The following DHX32 variants were observed in gnomAD, a reference collection of about 807,000 sequenced individuals.
The protein encoded by DHX32 is putative pre-mRNA-splicing factor ATP-dependent RNA helicase DHX32.
A neutral mutation model predicts 70.0 loss-of-function variants in DHX32; 51 were observed. That is an observed-to-expected ratio of 0.73 (90% CI 0.58 to 0.92). The LOEUF (loss-of-function observed/expected upper bound fraction) is 0.92. Among genes scored for constraint, DHX32 ranks in the 40% least tolerant of loss-of-function variants. The probability of loss-of-function intolerance (pLI) is 0.00; values close to 1 mark genes in which losing one functional copy is unlikely to be tolerated. For missense variants in DHX32, 762 were observed against 891.8 expected (o/e 0.85, Z 1.85); for synonymous variants, 310 against 315.3 (o/e 0.98, Z 0.18).
chr10:125,867,608 C>A (rs1334953885), intron 1 of DHX32, among the ~76,000 whole-genome samples: 1 of 151,822 alleles, frequency 6.6e-6, no homozygotes, highest in Non-Finnish European at 1.5e-5. Flanking sequence ...TGGTGGCGGG[C>A]GCCTGTAGTC....
chr10:125,866,888 T>C lies in DHX32; in HGVS notation c.476+102A>G, dbSNP rs1228718781. 2 of 1,311,374 alleles carry C rather than the reference T, an allele frequency of 1.5e-6. No individual in the cohort carries two copies. The highest frequency in any genetic ancestry group is 1.5e-5 in the African/African-American group (1 of 68,312). 81.2% of individuals were successfully genotyped at this position (1,311,374 alleles called of 1,614,324 possible). A position where few individuals can be genotyped will look rare whatever the true frequency, so the allele number is the denominator to read the frequency against. ...AGAGACCAGTTGCTACTGCACAGCA[T>C]AGATGCTTAACAGGTAGAATGCCAG... On this transcript the variant is annotated intron_variant, in intron 2 of 10. Transcript: ENST00000284690. This position sits in a 1 kb window ranked among gnomAD's most constrained non-coding sequence, Gnocchi z 4.8.
intron 6 of DHX32, among the ~76,000 whole-genome samples, chr10:125,849,993 G>T (rs950037910): frequency 6.6e-6 from 1 of 152,024 alleles, no homozygotes; most frequent in African/African-American, 2.4e-5. Context: ...TTGAACCAGG[G>T]TCTTGCTCTG....
In DHX32 at chr10:125,866,888, TAGATGCTTAAC is replaced by T; in HGVS notation, c.476+91_476+101del. The stretch of plus-strand genomic sequence containing the variant: ...AGAGACCAGTTGCTACTGCACAGCA[TAGATGCTTAAC>T]AGGTAGAATGCCAGAATAATGCTCC... On this transcript the variant is annotated intron_variant, in intron 2 of 10. Coordinates refer to ENST00000284690, the MANE Select transcript of DHX32 (RefSeq NM_018180.3). This position sits in a 1 kb window ranked among gnomAD's most constrained non-coding sequence, Gnocchi z 4.8. The T allele has an allele frequency of 7.6e-7, 1 of 1,311,492 alleles. No individual in the cohort carries two copies. The highest frequency in any genetic ancestry group is 1.1e-6 in the Non-Finnish European group (1 of 940,712). The allele number at this position is 1,311,492 out of a possible 1,614,324, so 81.2% of individuals were successfully genotyped here.
At position 125,841,953 on chromosome 10, in the gene DHX32, A is replaced by G. The variant is rs777759988; in HGVS notation, c.1352-19T>C. ...TCTGGTGCTAGGAAAGGAAAAAAAT[A>G]ATAATTTAAGAGTCTCATATGGCTA... On this transcript the variant is annotated intron_variant, in intron 6 of 10. Coordinates refer to ENST00000284690, the MANE Select transcript of DHX32 (RefSeq NM_018180.3). 2.5e-6 allele frequency: 4 copies of G among 1,570,002 alleles called. No homozygotes were observed. The African/African-American group carries it at 5.5e-5, about 22-fold the overall frequency.
chr10:125,893,647 A>C (rs1045036756), intron 1 of DHX32, among the ~76,000 whole-genome samples: 1 of 152,224 alleles, frequency 6.6e-6, no homozygotes, highest in South Asian at 2.1e-4. Context: ...ACAAAGAGGA[A>C]AACACCAAAA....
chr10:125,864,028 C>T (rs973102177), intron 2 of DHX32, among the ~76,000 whole-genome samples: 18 of 152,278 alleles, frequency 1.2e-4, no homozygotes, highest in African/African-American at 4.1e-4. Flanking sequence ...TATAAGGTTA[C>T]AAGTGAGTAA....
chr10:125,862,619 T>A (rs1944197259), intron 2 of DHX32, among the ~76,000 whole-genome samples: 2 of 152,258 alleles, frequency 1.3e-5, no homozygotes, highest in African/African-American at 4.8e-5. Context: ...GATGCTAACT[T>A]ATTAAAAACT....
At chr10:125,883,597 A>G (rs1390498256), upstream of DHX32, among the ~76,000 whole-genome samples, 3 of 152,138 alleles carry the variant, frequency 2.0e-5, no homozygotes, top group African/African-American at 4.8e-5. Context: ...ACCCCAGCCA[A>G]CTGAGCAGAA....
rs776062752 is a variant in DHX32, at chr10:125,839,079, G to A, written c.1803C>T (p.Pro601=). 6.2e-7 allele frequency: 1 copy of A among 1,614,192 alleles called. No individual in the cohort carries two copies. Among genetic ancestry groups the A allele is most frequent in the Non-Finnish European group, 8.5e-7 (1 of 1,180,030 alleles). Residue 601 remains proline, a synonymous_variant, in exon 9 of 11, where the codon CCC becomes CCT. Transcript: ENST00000284690. ...LLEIIKRIEL[P]YAEPAFGSKE... ...TGGAGCCAAAAGCAGGTTCTGCATA[G>A]GGAAGCTCGATTCGCTTGATAATTT...
At chr10:125,894,985 A>T (rs1944430153) in intron 1 of DHX32, among the ~76,000 whole-genome samples, 1 of 152,306 alleles carries the variant, frequency 6.6e-6, no homozygotes, top group Admixed American at 6.5e-5. Flanking sequence ...TGAAGTGTTT[A>T]CTTTCCACCC....
chr10:125,880,340 A>T (rs1326033181), intron 1 of DHX32, among the ~76,000 whole-genome samples: 1 of 152,232 alleles, frequency 6.6e-6, no homozygotes, highest in Non-Finnish European at 1.5e-5. Context: ...AACACAATTA[A>T]TTTCTACATA....
chr10:125,886,601 T>C (rs553314446), intron 1 of DHX32, among the ~76,000 whole-genome samples: 35 of 152,424 alleles, frequency 2.3e-4, no homozygotes, highest in Admixed American at 2.0e-3. Context: ...GTTTATGATA[T>C]ATGATAGACT....
chr10:125,874,446 G>T (rs1944272597), intron 1 of DHX32, among the ~76,000 whole-genome samples: 2 of 152,116 alleles, frequency 1.3e-5, no homozygotes, highest in South Asian at 2.1e-4. Context: ...AATGACAAGA[G>T]AAACCATTGC....
chr10:125,860,875 C>T (rs922869823), intron 2 of DHX32, among the ~76,000 whole-genome samples: 1 of 150,822 alleles, frequency 6.6e-6, no homozygotes, highest in Admixed American at 6.6e-5. Context: ...GCCTCAGCCT[C>T]CAGAGTAGCT....
chr10:125,855,740 G>A (rs950383058), intron 3 of DHX32, among the ~76,000 whole-genome samples: 13 of 152,280 alleles, frequency 8.5e-5, no homozygotes, highest in Admixed American at 5.9e-4. Context: ...GTAAGCCACC[G>A]CACCTGGCCC....
Position 125,838,398 on chromosome 10 carries a change from G to T in DHX32, c.1882-11C>A. 6.5e-7 allele frequency: 1 copy of T among 1,546,890 alleles called. No homozygotes were observed. The highest frequency in any genetic ancestry group is 8.7e-7 in the Non-Finnish European group (1 of 1,152,460). ...AACATCCCGAGCAATCTGAAAGGCAGAATTTTAAAGAAAAAAGATTTTGTA... is the reference window on the plus strand; with the variant it reads ...AACATCCCGAGCAATCTGAAAGGCATAATTTTAAAGAAAAAAGATTTTGTA... On this transcript the variant is annotated splice_polypyrimidine_tract_variant and intron_variant, in intron 9 of 10. Transcript: ENST00000284690.
intron 7 of DHX32, chr10:125,841,538 T>G (rs1854880523): frequency 7.0e-7 from 1 of 1,427,362 alleles, no homozygotes; most frequent in Non-Finnish European, 9.1e-7. Context: ...AACTTTGAGT[T>G]AGTTTTCTTA....
chr10:125,852,188 A>C (rs1944099356), intron 6 of DHX32, 105 bp downstream of exon 6: 2 of 1,397,540 alleles, frequency 1.4e-6, no homozygotes, highest in East Asian at 4.9e-5. Flanking sequence ...CGCCCCCTCC[A>C]TGCTTGTGTG....
chr10:125,878,542 C>T (rs907008970), intron 1 of DHX32, among the ~76,000 whole-genome samples: 1 of 152,146 alleles, frequency 6.6e-6, no homozygotes, highest in Admixed American at 6.5e-5. Context: ...TGGGGTTTTC[C>T]CGTGTATACA....
Sources: gnomAD v4.1 joint callset for allele counts (sites outside exome capture counted in the v4.1 genomes callset) on GRCh38, gnomAD v4.1.1 for gene constraint, Gnocchi (gnomAD v3.1) non-coding constraint, MANE v1.5 for transcripts, NCBI Gene and HGNC (gene_info 2026-07-23, HGNC 2026-07-21) for gene names.